STIM1: variants seen among roughly 807,000 people sequenced by gnomAD.
STIM1 encodes the protein stromal interaction molecule 1.
In STIM1, 25 loss-of-function variants were observed where a neutral mutation model predicts 74.7. The observed-to-expected ratio is 0.33, with a 90% CI of 0.24 to 0.47. STIM1 has a LOEUF of 0.47. Among genes scored for constraint, STIM1 ranks in the 20% least tolerant of loss-of-function variants. The pLI is 1.00. For missense variants in STIM1, 728 were observed against 920.8 expected (o/e 0.79, Z 2.71); for synonymous variants, 328 against 348.8 (o/e 0.94, Z 0.66).
chr11:4,011,864 A>G (rs945101473), intron 2 of STIM1, among the ~76,000 whole-genome samples: 2 of 152,106 alleles, frequency 1.3e-5, no homozygotes, highest in Non-Finnish European at 2.9e-5. Flanking sequence ...TAGGTCTTAC[A>G]TTTAAGTCTT....
intron 1 of STIM1, among the ~76,000 whole-genome samples, chr11:3,962,461 G>A (rs2093297492): frequency 6.6e-6 from 1 of 151,894 alleles, no homozygotes; most frequent in African/African-American, 2.4e-5. Context: ...GTGTGTGTGT[G>A]TGTGTGTGTG....
intron 2 of STIM1, among the ~76,000 whole-genome samples, chr11:3,997,205 C>A (rs1375374476): frequency 6.6e-6 from 1 of 152,200 alleles, no homozygotes; most frequent in Non-Finnish European, 1.5e-5. Context: ...ATGACAAGCA[C>A]TGAGCGTTCT....
intron 3 of STIM1, among the ~76,000 whole-genome samples, chr11:4,045,356 C>T (rs527471452): frequency 5.9e-5 from 9 of 152,152 alleles, no homozygotes; most frequent in Non-Finnish European, 1.2e-4. Context: ...CATTACCTGA[C>T]ACTCCAGACC....
intron 1 of STIM1, among the ~76,000 whole-genome samples, chr11:3,857,945 A>T (rs2090448794): frequency 6.6e-6 from 1 of 152,210 alleles, no homozygotes; most frequent in Non-Finnish European, 1.5e-5. Context: ...GTCTCTCCAT[A>T]GAGAGTCTCC....
At chr11:3,935,482 A>C (rs1194530426) in intron 1 of STIM1, among the ~76,000 whole-genome samples, 3 of 152,204 alleles carry the variant, frequency 2.0e-5, no homozygotes, top group African/African-American at 7.2e-5. Context: ...TCACCTTCCT[A>C]GTTTCTGGAC....
intron 1 of STIM1, among the ~76,000 whole-genome samples, chr11:3,876,307 A>G (rs1488803856): frequency 6.6e-6 from 1 of 152,230 alleles, no homozygotes; most frequent in Non-Finnish European, 1.5e-5. Flanking sequence ...AAACAGACCT[A>G]GGTAGGAAGA....
At chr11:3,935,362 C>T (rs1349257382) in intron 1 of STIM1, among the ~76,000 whole-genome samples, 1 of 152,212 alleles carries the variant, frequency 6.6e-6, no homozygotes, top group Non-Finnish European at 1.5e-5. Flanking sequence ...GCAAGGTGCT[C>T]TCTTCATTAT....
At chr11:4,009,263 C>A (rs1247833084) in intron 2 of STIM1, among the ~76,000 whole-genome samples, 1 of 149,732 alleles carries the variant, frequency 6.7e-6, no homozygotes, top group Non-Finnish European at 1.5e-5. Context: ...CCACTGCACT[C>A]CAGCCTGTGC....
intron 2 of STIM1, among the ~76,000 whole-genome samples, chr11:3,986,517 T>C (rs2093559735): frequency 6.6e-6 from 1 of 152,106 alleles, no homozygotes; most frequent in Non-Finnish European, 1.5e-5. Context: ...CATCCTAAAG[T>C]TGAAAAGCTA....
At chr11:3,990,607 C>A (rs1162017157) in intron 2 of STIM1, among the ~76,000 whole-genome samples, 1 of 152,180 alleles carries the variant, frequency 6.6e-6, no homozygotes, top group Non-Finnish European at 1.5e-5. Context: ...TGCTCATCAA[C>A]ACTTGTTATT....
chr11:4,053,046 A>G (rs10835545), intron 3 of STIM1, among the ~76,000 whole-genome samples: 9 of 152,088 alleles, frequency 5.9e-5, no homozygotes, highest in African/African-American at 2.2e-4. Flanking sequence ...ATCTCACACC[A>G]GTTAGAATGG....
intron 1 of STIM1, among the ~76,000 whole-genome samples, chr11:3,949,174 G>A (rs188243980): frequency 6.6e-6 from 1 of 152,164 alleles, no homozygotes; most frequent in Non-Finnish European, 1.5e-5. Flanking sequence ...AACCCCGGGG[G>A]TCAGTATAGA....
intron 1 of STIM1, among the ~76,000 whole-genome samples, chr11:3,884,926 C>T (rs983362534): frequency 2.6e-5 from 4 of 152,098 alleles, no homozygotes; most frequent in African/African-American, 9.7e-5. Flanking sequence ...ATTCCATTTA[C>T]ATGAAATGTC....
chr11:3,972,735 T>C (rs2135758278), intron 2 of STIM1: 1 of 453,524 alleles, frequency 2.2e-6, no homozygotes, highest in East Asian at 6.9e-5. Flanking sequence ...TTCACAAATC[T>C]GTTGTAACCT....
At chr11:4,014,292 T>C (rs2093873248) in intron 2 of STIM1, among the ~76,000 whole-genome samples, 1 of 152,212 alleles carries the variant, frequency 6.6e-6, no homozygotes, top group African/African-American at 2.4e-5. Context: ...TATTTCTGCC[T>C]TCATTTCGTT....
At position 3,982,215 on chromosome 11, in the gene STIM1, C is replaced by T. The variant is rs375581585; in HGVS notation, c.270+14533C>T. ...TTAATTTTTGTATTTTTTGTAGAGA[C>T]GGGGTTTCGCCATGTTACCCAGGCT... On this transcript the variant is annotated intron_variant, in intron 2 of 12. Transcript: ENST00000526596. Among the ~76,000 whole-genome samples the T allele has an allele frequency of 1.6e-4, 24 of 151,482 alleles. No individual in the cohort carries two copies. The South Asian group carries it at 3.8e-3, about 24-fold the overall frequency.
chr11:4,003,711 C>T (rs1294347841), intron 2 of STIM1, among the ~76,000 whole-genome samples: 6 of 152,136 alleles, frequency 3.9e-5, no homozygotes, highest in African/African-American at 1.4e-4. Context: ...CACTCCTATT[C>T]AACATAGTGT....
Position 4,055,611 on chromosome 11 carries a change from G to A in STIM1, c.471G>A (p.Leu157=). 1.3e-6 allele frequency: 2 copies of A among 1,592,964 alleles called. No homozygotes were observed. Among genetic ancestry groups the A allele is most frequent in the Non-Finnish European group, 1.7e-6 (2 of 1,170,274 alleles). Residue 157 remains leucine, a synonymous_variant, in exon 4 of 13, where the codon CTG becomes CTA. Coordinates refer to ENST00000526596, the MANE Select transcript of STIM1 (RefSeq NM_001382567.1). ...LPQYEETFRK[L]QLSGHAMPRL... ...AGTATGAGGAGACCTTCCGGAAGCTGCAGCTCAGTGGCCATGCCATGCCAA... is the reference window on the plus strand; with the variant it reads ...AGTATGAGGAGACCTTCCGGAAGCTACAGCTCAGTGGCCATGCCATGCCAA...
intron 1 of STIM1, among the ~76,000 whole-genome samples, chr11:3,916,550 C>G (rs1327051025): frequency 6.6e-6 from 1 of 151,332 alleles, no homozygotes; most frequent in African/African-American, 2.4e-5. Flanking sequence ...CTCCTGGGTT[C>G]AAGTGATTCT....
Sources: allele counts gnomAD v4.1 joint callset (sites outside exome capture counted in the v4.1 genomes callset), GRCh38; gene constraint gnomAD v4.1.1; transcripts MANE v1.5; gene names NCBI Gene and HGNC (gene_info 2026-07-23, HGNC 2026-07-21).